The following PACSIN2 variants were observed in gnomAD, a reference collection of about 807,000 sequenced individuals.
PACSIN2 encodes protein kinase C and casein kinase substrate in neurons 2.
PACSIN2 carries 25 observed loss-of-function variants against 63.8 expected under a neutral mutation model. The ratio of observed to expected loss-of-function variants is 0.39; its 90% CI spans 0.29 to 0.55. PACSIN2 has a LOEUF of 0.55. Among genes scored for constraint, PACSIN2 ranks in the 20% least tolerant of loss-of-function variants. The pLI is 0.62. For missense variants in PACSIN2, 518 were observed against 646.9 expected, an observed-to-expected ratio of 0.80 and a Z score of 2.16; for synonymous variants, 255 against 256.2, an observed-to-expected ratio of 1.00 and a Z score of 0.05.
chr22:43,003,672 A>T (rs181556963), intron 1 of PACSIN2, among the ~76,000 whole-genome samples: 2 of 152,252 alleles, frequency 1.3e-5, no homozygotes, highest in Admixed American at 6.5e-5. Context: ...TGATATCACA[A>T]CGTTGACAAA....
intron 1 of PACSIN2, among the ~76,000 whole-genome samples, chr22:42,914,684 A>G (rs902571233): frequency 6.6e-6 from 1 of 152,172 alleles, no homozygotes; most frequent in African/African-American, 2.4e-5. Context: ...AAGTGGCCCA[A>G]TCAAGCCACC....
chr22:42,977,766 T>C (rs1017312789), intron 1 of PACSIN2, among the ~76,000 whole-genome samples: 1 of 152,094 alleles, frequency 6.6e-6, no homozygotes, highest in Non-Finnish European at 1.5e-5. Context: ...CATGTGGCAC[T>C]TCCCCCCTCA....
chr22:42,972,158 C>T (rs1024024336), intron 1 of PACSIN2, among the ~76,000 whole-genome samples: 22 of 152,324 alleles, frequency 1.4e-4, no homozygotes, highest in African/African-American at 5.3e-4. Context: ...TTGTTCTGTG[C>T]TAGGAAAGAT....
rs376500667 is a variant in PACSIN2, at chr22:42,876,237, C to T, written c.1248G>A (p.Ser416=). 10 of 1,614,094 alleles carry T rather than the reference C, an allele frequency of 6.2e-6. No homozygotes were observed. The highest frequency in any genetic ancestry group is 4.4e-5 in the South Asian group (4 of 91,088). The stretch of plus-strand genomic sequence containing the variant: ...AGGTGGCGTCGTCGTCGAATGGATT[C>T]GAGTCCCCATTGGCATCCGTGGAGG... ...PFSSTDANGD[S]NPFDDDATSG... Residue 416 remains serine, a synonymous_variant, in exon 10 of 11, where the codon TCG becomes TCA. Transcript: ENST00000263246.
At chr22:42,895,922 A>G (rs2146681830) in intron 2 of PACSIN2, among the ~76,000 whole-genome samples, 1 of 152,342 alleles carries the variant, frequency 6.6e-6, no homozygotes, top group African/African-American at 2.4e-5. Context: ...CTCTATCGCC[A>G]TAAACCACCA....
At chr22:42,976,156 G>A (rs1466700066) in intron 1 of PACSIN2, among the ~76,000 whole-genome samples, 1 of 152,224 alleles carries the variant, frequency 6.6e-6, no homozygotes, top group East Asian at 1.9e-4. Context: ...TCTTCACCTA[G>A]AGGGAGTACA....
chr22:43,007,997 A>G (rs1278023622), intron 1 of PACSIN2, among the ~76,000 whole-genome samples: 1 of 152,206 alleles, frequency 6.6e-6, no homozygotes, highest in Admixed American at 6.5e-5. Flanking sequence ...GGAGTGCCCC[A>G]GCTGGCTGCA....
At chr22:42,973,809 A>G (rs1209242467) in intron 1 of PACSIN2, among the ~76,000 whole-genome samples, 1 of 152,224 alleles carries the variant, frequency 6.6e-6, no homozygotes, top group Non-Finnish European at 1.5e-5. Context: ...CTTGGCACCT[A>G]GCACAGGGCT....
At chr22:43,009,863 C>CTTTTTTTTTTTT (rs762256300) in intron 1 of PACSIN2, among the ~76,000 whole-genome samples, 17 of 131,794 alleles carry the variant, frequency 1.3e-4, no homozygotes, top group East Asian at 5.0e-4. Flanking sequence ...TTTATTTTTT[C>CTTTTTTTTTTTT]TATTTTTTTT....
chr22:42,995,333 G>A (rs1923323864), intron 1 of PACSIN2, among the ~76,000 whole-genome samples: 1 of 152,212 alleles, frequency 6.6e-6, no homozygotes. Context: ...TTAAAGAACA[G>A]GCTGCTTTTG....
intron 8 of PACSIN2, among the ~76,000 whole-genome samples, chr22:42,878,298 G>A (rs1288563217): frequency 6.6e-6 from 1 of 152,224 alleles, no homozygotes; most frequent in Non-Finnish European, 1.5e-5. Flanking sequence ...GCGGAATGAC[G>A]ACAGCCACAC....
At chr22:42,961,899 C>T (rs945727316) in intron 1 of PACSIN2, among the ~76,000 whole-genome samples, 2 of 152,170 alleles carry the variant, frequency 1.3e-5, no homozygotes, top group African/African-American at 2.4e-5. Flanking sequence ...TTTACCACCC[C>T]TCCCCACACA....
At chr22:42,917,151 C>T (rs1931866734) in intron 1 of PACSIN2, among the ~76,000 whole-genome samples, 1 of 152,154 alleles carries the variant, frequency 6.6e-6, no homozygotes, top group Non-Finnish European at 1.5e-5. Flanking sequence ...TCGCCATGGG[C>T]ATTGTCAAAG....
chr22:42,989,705 G>A (rs992719295), intron 1 of PACSIN2, among the ~76,000 whole-genome samples: 8 of 151,950 alleles, frequency 5.3e-5, no homozygotes, highest in South Asian at 2.1e-4. Flanking sequence ...GGCTGAGGTA[G>A]GAGAATCATT....
intron 1 of PACSIN2, among the ~76,000 whole-genome samples, chr22:42,959,396 T>C (rs769329833): frequency 6.6e-6 from 1 of 152,100 alleles, no homozygotes; most frequent in Non-Finnish European, 1.5e-5. Context: ...AAGAAAAAAA[T>C]ACAGCTAAAG....
intron 1 of PACSIN2, among the ~76,000 whole-genome samples, chr22:42,966,559 G>A (rs1601587819): frequency 6.6e-6 from 1 of 152,186 alleles, no homozygotes; most frequent in Non-Finnish European, 1.5e-5. Context: ...TCTGGCACTT[G>A]TCCAAAGATT....
At chr22:42,954,051 A>C (rs938420446) in intron 1 of PACSIN2, among the ~76,000 whole-genome samples, 2 of 152,298 alleles carry the variant, frequency 1.3e-5, no homozygotes, top group Non-Finnish European at 2.9e-5. Flanking sequence ...ACTTGAGGTC[A>C]GGAGTTCGAA....
chr22:42,937,736 G>A (rs1052645333), intron 1 of PACSIN2, among the ~76,000 whole-genome samples: 2 of 152,336 alleles, frequency 1.3e-5, no homozygotes, highest in South Asian at 2.1e-4. Flanking sequence ...TGTGGGTGAG[G>A]AGCAGGGACA....
chr22:42,891,558 G>A (rs980203328), intron 3 of PACSIN2, among the ~76,000 whole-genome samples: 6 of 152,030 alleles, frequency 3.9e-5, no homozygotes, highest in Non-Finnish European at 7.4e-5. Context: ...CCGCCACCAC[G>A]CCTGGCTAAA....
Sources: allele counts gnomAD v4.1 joint callset (sites outside exome capture counted in the v4.1 genomes callset), GRCh38; gene constraint gnomAD v4.1.1; transcripts MANE v1.5; gene names NCBI Gene and HGNC (gene_info 2026-07-23, HGNC 2026-07-21).